QNG1: variants seen among roughly 807,000 people sequenced by gnomAD.
The protein encoded by QNG1 is queuosine 5'-phosphate N-glycosylase/hydrolase.
At chr9:83,946,657 C>G in the QNG1 span, among the ~76,000 whole-genome samples, 3 of 152,146 alleles carry the variant, frequency 2.0e-5, no homozygotes, top group African/African-American at 7.2e-5. Context: ...GAGGCCAAAG[C>G]CAGAGGATTG....
chr9:83,952,811 A>C, the QNG1 span, among the ~76,000 whole-genome samples: 4 of 150,796 alleles, frequency 2.7e-5, no homozygotes, highest in Admixed American at 1.3e-4. Context: ...AAAAAAAAAA[A>C]ACAAAAATTA....
the QNG1 span, among the ~76,000 whole-genome samples, chr9:83,954,181 A>G: frequency 1.3e-5 from 2 of 152,152 alleles, no homozygotes; most frequent in African/African-American, 4.8e-5. Context: ...GGAGTGAGCC[A>G]CCGAGTCTGG....
chr9:83,939,729 A>C, the QNG1 span: 2 of 1,613,888 alleles, frequency 1.2e-6, no homozygotes, highest in South Asian at 2.2e-5. Flanking sequence ...CTGTCTCCAT[A>C]TGAGAGCATT....
At chr9:83,951,464 G>A in the QNG1 span, among the ~76,000 whole-genome samples, 1 of 152,140 alleles carries the variant, frequency 6.6e-6, no homozygotes, top group Non-Finnish European at 1.5e-5. Flanking sequence ...AGGAGGCTGA[G>A]GCAGGAGAAT....
chr9:83,955,666 G>T, the QNG1 span: 7 of 1,603,018 alleles, frequency 4.4e-6, no homozygotes, highest in Non-Finnish European at 6.0e-6. Context: ...AAAATTCAGA[G>T]GACCAATGTC....
the QNG1 span, among the ~76,000 whole-genome samples, chr9:83,947,955 C>T: frequency 8.2e-4 from 125 of 151,648 alleles, no homozygotes; most frequent in African/African-American, 2.7e-3. Context: ...AAGTGAGGAG[C>T]GTCTCTGCCT....
At chr9:83,949,129 A>T in the QNG1 span, among the ~76,000 whole-genome samples, 1 of 152,110 alleles carries the variant, frequency 6.6e-6, no homozygotes, top group Non-Finnish European at 1.5e-5. Context: ...TTTGTTTTCC[A>T]GAGCAAGTAT....
At chr9:83,955,268 A>G in the QNG1 span, 1 of 1,071,220 alleles carries the variant, frequency 9.3e-7, no homozygotes, top group Non-Finnish European at 1.3e-6. Context: ...AGTTTCTTCC[A>G]CAAGGAATAC....
chr9:83,947,716 T>A, the QNG1 span, among the ~76,000 whole-genome samples: 2 of 152,356 alleles, frequency 1.3e-5, no homozygotes, highest in African/African-American at 4.8e-5. Context: ...GGTTTCGCCG[T>A]GTTGGCCGGG....
At chr9:83,949,242 C>G in the QNG1 span, among the ~76,000 whole-genome samples, 1 of 152,166 alleles carries the variant, frequency 6.6e-6, no homozygotes, top group African/African-American at 2.4e-5. Flanking sequence ...TGCTATCACC[C>G]TATATTCCTA....
chr9:83,954,315 A>C, the QNG1 span, among the ~76,000 whole-genome samples: 1 of 152,214 alleles, frequency 6.6e-6, no homozygotes, highest in East Asian at 1.9e-4. Flanking sequence ...GGAGGGTTCC[A>C]TGTTTTTTAG....
chr9:83,956,425 C>T, the QNG1 span: 2 of 1,578,264 alleles, frequency 1.3e-6, no homozygotes, highest in East Asian at 2.2e-5. Flanking sequence ...CGTACGCCTC[C>T]GCTGTCAATA....
chr9:83,945,095 T>C, the QNG1 span: 1,127 of 908,114 alleles, frequency 1.2e-3, 10 homozygotes, highest in African/African-American at 0.018. Context: ...AGAATAATCT[T>C]ACTTTGTTGG....
At chr9:83,950,529 G>A in the QNG1 span, among the ~76,000 whole-genome samples, 10 of 151,096 alleles carry the variant, frequency 6.6e-5, no homozygotes, top group Non-Finnish European at 1.2e-4. Context: ...TTTCTAAATC[G>A]TACCTTTATA....
the QNG1 span, chr9:83,939,714 C>CT: frequency 3.1e-6 from 5 of 1,614,154 alleles, no homozygotes; most frequent in Non-Finnish European, 4.2e-6. Context: ...ATTTCCACCT[C>CT]TTGCCTGTCT....
the QNG1 span, among the ~76,000 whole-genome samples, chr9:83,949,091 A>T: frequency 2.6e-5 from 4 of 151,608 alleles, no homozygotes; most frequent in Non-Finnish European, 5.9e-5. Context: ...TGATCAATAA[A>T]TACTAAAAAA....
At chr9:83,955,376 C>T in the QNG1 span, 2 of 1,610,364 alleles carry the variant, frequency 1.2e-6, no homozygotes, top group East Asian at 4.5e-5. Context: ...ACAGAAGCAA[C>T]TCACCTCAAA....
chr9:83,948,157 C>T, the QNG1 span, among the ~76,000 whole-genome samples: 2 of 151,262 alleles, frequency 1.3e-5, no homozygotes, highest in South Asian at 2.1e-4. Context: ...CGCCTCTGTC[C>T]GGCCGCGACC....
the QNG1 span, among the ~76,000 whole-genome samples, chr9:83,949,037 T>TC: frequency 0.37 from 55,499 of 148,984 alleles, 12,530 homozygotes; most frequent in African/African-American, 0.65. Context: ...TCCACTATTG[T>TC]CGATGACCCT....
Sources: gnomAD v4.1 joint callset for allele counts (sites outside exome capture counted in the v4.1 genomes callset) on GRCh38, gnomAD v4.1.1 for gene constraint, MANE v1.5 for transcripts, NCBI Gene and HGNC (gene_info 2026-07-23, HGNC 2026-07-21) for gene names.